Variants in ETNK2 observed in about 807,000 individuals in gnomAD.
The protein encoded by ETNK2 is ethanolamine kinase 2, also known as ethanolamine kinase-like protein.
Under a neutral mutation model 46.2 loss-of-function variants are expected in ETNK2, and 33 were observed. The observed-to-expected ratio is 0.71, with a 90% confidence interval of 0.54 to 0.96. ETNK2 has a LOEUF of 0.96. ETNK2 is among the 40% of genes least tolerant of loss of function. ETNK2 has a pLI of 0.00. For missense variants in ETNK2, 445 were observed against 509.7 expected (o/e 0.87, Z 1.22); for synonymous variants, 194 against 209.0 (o/e 0.93, Z 0.62).
At chr1:204,136,695 AAG>A (rs1432306160) in intron 6 of ETNK2, among the ~76,000 whole-genome samples, 7 of 149,874 alleles carry the variant, frequency 4.7e-5, no homozygotes, top group Non-Finnish European at 1.0e-4. Context: ...CCTGGGCAAC[AAG>A]AGTGAGACTC....
rs768590671 is a variant in ETNK2 at position 204,146,655 on chromosome 1, C to T, written c.628G>A (p.Glu210Lys). 28 of 1,614,014 alleles carry T rather than the reference C, an allele frequency of 1.7e-5. No individual in the cohort carries two copies. In the South Asian group the frequency reaches 2.5e-4, roughly 15 times the overall value. Residue 210 changes from glutamate (E) to lysine (K), a missense_variant, in exon 3 of 8, where the codon GAG becomes AAG. Transcript: ENST00000367202. ...AGATCTTTGTACCTGGGGTTGATCT[C>T]GTTCTTCACAAGCGTGAAATAATTG... ...MHNYFTLVKNEINPSLSADVP... is the reference protein window; with the variant it reads ...MHNYFTLVKNKINPSLSADVP...
Position 204,132,006 on chromosome 1 carries a change from G to A in ETNK2, c.*178C>T. On this transcript the variant is annotated 3_prime_UTR_variant, in exon 8 of 8. Transcript: ENST00000367202. ...GTCCTATCAGCCCCTCCAGACAGGAGAATGAGGTCTTCAGTGGCAACCACT... is the reference window on the plus strand; with the variant it reads ...GTCCTATCAGCCCCTCCAGACAGGAAAATGAGGTCTTCAGTGGCAACCACT... 1.6e-6 allele frequency: 1 copy of A among 626,768 alleles called. No homozygotes were observed. Among genetic ancestry groups the A allele is most frequent in the East Asian group, 2.8e-5 (1 of 36,260 alleles). The allele number at this position is 626,768 out of a possible 1,614,324, so 38.8% of individuals were successfully genotyped here.
At chr1:204,136,968 G>C in intron 6 of ETNK2, 136 bp downstream of exon 6, 1 of 1,173,208 alleles carries the variant, frequency 8.5e-7, no homozygotes, top group Non-Finnish European at 1.2e-6. Flanking sequence ...CACCTCTAGG[G>C]TGGGGTCAGG....
At chr1:204,141,524 C>A in intron 3 of ETNK2, 67 bp from the exon 4 acceptor site, 2 of 1,520,072 alleles carry the variant, frequency 1.3e-6, no homozygotes, top group Non-Finnish European at 1.8e-6. Context: ...GCCTCAAGAG[C>A]CCTGAATCTG....
At chr1:204,142,312 G>C (rs1042395707) in intron 3 of ETNK2, 3 of 152,246 alleles carry the variant, frequency 2.0e-5, no homozygotes, top group Non-Finnish European at 2.9e-5. Flanking sequence ...GTGCAACCTG[G>C]GGGCATGAAC....
At chr1:204,137,374 A>G in intron 5 of ETNK2, 125 bp from the exon 6 acceptor site, 1 of 1,280,676 alleles carries the variant, frequency 7.8e-7, no homozygotes, top group Non-Finnish European at 1.1e-6. Context: ...GGCTGTGCCC[A>G]AGGAGGCGGC....
chr1:204,146,734 A>G lies in ETNK2; in HGVS notation c.549T>C (p.His183=), dbSNP rs749884971. Residue 183 remains histidine, a synonymous_variant, in exon 3 of 8, where the codon CAT becomes CAC. Coordinates refer to ENST00000367202, the MANE Select transcript of ETNK2 (RefSeq NM_018208.4). ...RLIALEMAKI[H]TIHANGSLPK... ...GCAGGCTGCCGTTGGCGTGGATAGT[A>G]TGAATCTTTGCCATTTCTAAGGCGA... The G allele has an allele frequency of 6.2e-7, 1 of 1,614,044 alleles. No individual in the cohort carries two copies. The highest frequency in any genetic ancestry group is 2.2e-5 in the East Asian group (1 of 44,878).
intron 4 of ETNK2, 150 bp from the exon 5 acceptor site, chr1:204,140,268 C>A (rs1657451595): frequency 3.2e-6 from 2 of 616,534 alleles, no homozygotes; most frequent in Admixed American, 5.5e-5. Context: ...AGCAGTCTTC[C>A]AAGCTACTTC....
At chr1:204,147,301 T>C (rs1657827037) in intron 2 of ETNK2, among the ~76,000 whole-genome samples, 1 of 152,184 alleles carries the variant, frequency 6.6e-6, no homozygotes, top group South Asian at 2.1e-4. Context: ...CCCCTTCCTC[T>C]GCTATAGGGA....
In ETNK2 at chr1:204,151,910, C is replaced by G. The variant is rs1481801046; in HGVS notation, c.-58G>C. Reference sequence around the variant, plus strand: ...AGACGCTAGCCCCGGCGGGGGGGTCCGGCGAGGGAGTGGGAGTGGTAGAGG... The same window carrying G: ...AGACGCTAGCCCCGGCGGGGGGGTCGGGCGAGGGAGTGGGAGTGGTAGAGG... On this transcript the variant is annotated 5_prime_UTR_variant, in exon 1 of 8. Transcript: ENST00000367202. The surrounding 1 kb of genome is among the most constrained non-coding windows in gnomAD (Gnocchi z 8.0). 2.1e-6 allele frequency: 3 copies of G among 1,401,820 alleles called. No homozygotes were observed. The highest frequency in any genetic ancestry group is 1.8e-6 in the Non-Finnish European group (2 of 1,084,956). The allele number at this position is 1,401,820 out of a possible 1,614,324, so 86.8% of individuals were successfully genotyped here. A position where few individuals can be genotyped will look rare whatever the true frequency, so the allele number is the denominator to read the frequency against.
intron 5 of ETNK2, among the ~76,000 whole-genome samples, chr1:204,139,730 A>G (rs1657425209): frequency 6.6e-6 from 1 of 152,212 alleles, no homozygotes; most frequent in Admixed American, 6.5e-5. Context: ...TTGTGTGATC[A>G]TCAGTGTACT....
intron 6 of ETNK2, 144 bp from the exon 7 acceptor site, chr1:204,134,732 G>C (rs1482548170): frequency 1.9e-6 from 3 of 1,563,632 alleles, no homozygotes; most frequent in Non-Finnish European, 2.6e-6. Flanking sequence ...AGCACAAGCT[G>C]GGGAAATTCT....
At position 204,151,913 on chromosome 1, in the gene ETNK2, C is replaced by A. The variant is rs1348808897; in HGVS notation, c.-61G>T. ...CGCTAGCCCCGGCGGGGGGGTCCGG[C>A]GAGGGAGTGGGAGTGGTAGAGGAGG... is the stretch of plus-strand genomic sequence containing the variant. On this transcript the variant is annotated 5_prime_UTR_variant, in exon 1 of 8. Coordinates refer to ENST00000367202, the MANE Select transcript of ETNK2 (RefSeq NM_018208.4). This position sits in a 1 kb window ranked among gnomAD's most constrained non-coding sequence, Gnocchi z 8.0. 142 of 1,400,700 alleles carry A rather than the reference C, an allele frequency of 1.0e-4. No homozygotes were observed. In the East Asian group the frequency reaches 4.0e-3, roughly 40 times the overall value. 86.8% of individuals were successfully genotyped at this position (1,400,700 alleles called of 1,614,324 possible).
chr1:204,141,723 A>G, intron 3 of ETNK2: 1 of 465,520 alleles, frequency 2.1e-6, no homozygotes, highest in South Asian at 2.7e-5. Flanking sequence ...TCACTGACTG[A>G]GGGCATCCCT....
Position 204,132,174 on chromosome 1 carries a change from G to GGTA in ETNK2, c.*9_*10insTAC. 3.2e-6 allele frequency: 5 copies of GGTA among 1,564,374 alleles called. No individual in the cohort carries two copies. Among genetic ancestry groups the GGTA allele is most frequent in the Non-Finnish European group, 4.3e-6 (5 of 1,153,656 alleles). ...CAGACAGATGGGTAGGGGAGGGATG[G>GGTA]GGTGGCTGGTCACTTTGGCATCTCC... On this transcript the variant is annotated 3_prime_UTR_variant, in exon 8 of 8. Transcript: ENST00000367202.
chr1:204,146,672 A>C lies in ETNK2; in HGVS notation c.611T>G (p.Phe204Cys). 1.2e-6 allele frequency: 2 copies of C among 1,613,878 alleles called. No individual in the cohort carries two copies. The highest frequency in any genetic ancestry group is 8.5e-7 in the Non-Finnish European group (1 of 1,179,870). The change falls in exon 3 of 8, where the codon TTC becomes TGC. Residue 204 changes from phenylalanine to cysteine, a missense_variant. Coordinates refer to ENST00000367202, the MANE Select transcript of ETNK2 (RefSeq NM_018208.4). The stretch of plus-strand genomic sequence containing the variant: ...GTTGATCTCGTTCTTCACAAGCGTG[A>C]AATAATTGTGCATCTTGTGCCAGAG... ...PILWHKMHNY[F>C]TLVKNEINPS...
chr1:204,146,116 G>C (rs965829737), intron 3 of ETNK2, among the ~76,000 whole-genome samples: 2 of 152,184 alleles, frequency 1.3e-5, no homozygotes, highest in African/African-American at 4.8e-5. Flanking sequence ...ATGGGGACAA[G>C]AGGGGTCTTG....
intron 2 of ETNK2, among the ~76,000 whole-genome samples, chr1:204,149,212 G>A (rs868563564): frequency 1.3e-5 from 2 of 152,262 alleles, no homozygotes; most frequent in South Asian, 2.1e-4. Flanking sequence ...TTCCCACTTC[G>A]TCAAGGAGCC....
chr1:204,132,283 G>A, intron 7 of ETNK2, 27 bp from the exon 8 acceptor site: 3 of 1,553,398 alleles, frequency 1.9e-6, no homozygotes, highest in East Asian at 4.8e-5. Flanking sequence ...AGGAAGCTGG[G>A]TGTGAGGAAG....
Sources: gnomAD v4.1 joint callset for allele counts (sites outside exome capture counted in the v4.1 genomes callset) on GRCh38, gnomAD v4.1.1 for gene constraint, Gnocchi (gnomAD v3.1) non-coding constraint, MANE v1.5 for transcripts, NCBI Gene and HGNC (gene_info 2026-07-23, HGNC 2026-07-21) for gene names.